The following EPB41L3 variants were observed in gnomAD, a reference collection of about 807,000 sequenced individuals.
EPB41L3 encodes the protein erythrocyte membrane protein band 4.1 like 3, also known as band 4.1-like protein 3.
A neutral mutation model predicts 127.1 loss-of-function variants in EPB41L3; 57 were observed. The ratio of observed to expected loss-of-function variants is 0.45; its 90% CI spans 0.36 to 0.56. The LOEUF (loss-of-function observed/expected upper bound fraction) is 0.56. Ranked by LOEUF, EPB41L3 falls within the 20% of genes least tolerant of loss-of-function variation. The pLI is 0.00. For synonymous variants in EPB41L3, 572 were observed against 549.5 expected (o/e 1.04, Z -0.57); for missense variants, 1,273 against 1,372.2 (o/e 0.93, Z 1.14).
intron 15 of EPB41L3, chr18:5,407,250 A>T: frequency 2.3e-6 from 1 of 436,716 alleles, no homozygotes; most frequent in Non-Finnish European, 4.1e-6. Flanking sequence ...TGAGAGAATT[A>T]AAATAAATAT....
intron 3 of EPB41L3, among the ~76,000 whole-genome samples, chr18:5,468,889 C>T (rs1316202242): frequency 6.6e-6 from 1 of 152,090 alleles, no homozygotes; most frequent in Non-Finnish European, 1.5e-5. Flanking sequence ...GCACTTCAGC[C>T]TGGGCGACAG....
chr18:5,551,832 G>C (rs895024881), intron 3 of EPB41L3, among the ~76,000 whole-genome samples: 16 of 152,126 alleles, frequency 1.1e-4, no homozygotes, highest in Non-Finnish European at 2.4e-4. Context: ...TTTCATAATT[G>C]AAAGTTTATA....
At chr18:5,587,967 A>T (rs2094454652) in intron 3 of EPB41L3, among the ~76,000 whole-genome samples, 1 of 152,210 alleles carries the variant, frequency 6.6e-6, no homozygotes, top group African/African-American at 2.4e-5. Flanking sequence ...GACAAGAGTA[A>T]AATGCAGATC....
At chr18:5,544,118 G>A (rs575821398), upstream of EPB41L3, 2,887 of 985,510 alleles carry the variant, frequency 2.9e-3, 6 homozygotes, top group Admixed American at 4.5e-3. Flanking sequence ...GACCGTGCGA[G>A]GAAAGCCAAC....
intron 1 of EPB41L3, among the ~76,000 whole-genome samples, chr18:5,528,338 AT>A (rs1439268683): frequency 1.3e-5 from 2 of 151,904 alleles, no homozygotes; most frequent in Admixed American, 1.3e-4. Flanking sequence ...CGCCTGGCTA[AT>A]TTTTTTAAAA....
chr18:5,622,228 A>T (rs1253744469), intron 1 of EPB41L3, among the ~76,000 whole-genome samples: 2 of 152,240 alleles, frequency 1.3e-5, no homozygotes, highest in Admixed American at 1.3e-4. Flanking sequence ...ATGGACTTTC[A>T]GACTGAATTA....
chr18:5,491,627 C>T (rs999477733), intron 1 of EPB41L3, among the ~76,000 whole-genome samples: 1 of 152,306 alleles, frequency 6.6e-6, no homozygotes, highest in Non-Finnish European at 1.5e-5. Flanking sequence ...GTATATCACA[C>T]AACTCACAGC....
At chr18:5,577,445 G>T in intron 3 of EPB41L3, 1 of 400,102 alleles carries the variant, frequency 2.5e-6, no homozygotes, top group South Asian at 1.8e-5. Context: ...TATTCCTCCA[G>T]GAATATTCTC....
intron 13 of EPB41L3, among the ~76,000 whole-genome samples, chr18:5,412,205 T>C (rs896065451): frequency 3.3e-5 from 5 of 152,062 alleles, no homozygotes; most frequent in African/African-American, 4.8e-5. Flanking sequence ...GCACTTAGTG[T>C]TTTATTTTTT....
At chr18:5,594,046 T>C (rs1185456105) in intron 3 of EPB41L3, among the ~76,000 whole-genome samples, 1 of 152,088 alleles carries the variant, frequency 6.6e-6, no homozygotes, top group African/African-American at 2.4e-5. Context: ...GCAACATACA[T>C]CCTCCTCAGC....
At chr18:5,576,530 A>G (rs1467580665) in intron 3 of EPB41L3, among the ~76,000 whole-genome samples, 1 of 152,202 alleles carries the variant, frequency 6.6e-6, no homozygotes. Flanking sequence ...TTTATTTACT[A>G]CTGCTTATGT....
chr18:5,407,190 C>T, intron 15 of EPB41L3: 1 of 544,884 alleles, frequency 1.8e-6, no homozygotes, highest in Non-Finnish European at 3.3e-6. Flanking sequence ...ACATGGATAC[C>T]AAAAGAATTT....
intron 1 of EPB41L3, among the ~76,000 whole-genome samples, chr18:5,508,900 C>G (rs1220636334): frequency 6.6e-6 from 1 of 151,976 alleles, no homozygotes; most frequent in Non-Finnish European, 1.5e-5. Flanking sequence ...GCAGCAAACT[C>G]TGCTTAATTG....
At chr18:5,409,381 T>A (rs1182617875) in intron 14 of EPB41L3, among the ~76,000 whole-genome samples, 4 of 152,242 alleles carry the variant, frequency 2.6e-5, no homozygotes, top group Non-Finnish European at 4.4e-5. Flanking sequence ...TGTACTACCC[T>A]GTGGCTACAT....
chr18:5,454,123 T>G (rs531835989), intron 3 of EPB41L3, among the ~76,000 whole-genome samples: 6 of 152,240 alleles, frequency 3.9e-5, no homozygotes, highest in South Asian at 4.2e-4. Context: ...GGGCTTCCTT[T>G]TTTTCTAACG....
chr18:5,615,066 C>A (rs1184082664), intron 1 of EPB41L3, among the ~76,000 whole-genome samples: 1 of 151,916 alleles, frequency 6.6e-6, no homozygotes, highest in Non-Finnish European at 1.5e-5. Context: ...AAGGAAGCAA[C>A]CAATAAGGTG....
intron 3 of EPB41L3, among the ~76,000 whole-genome samples, chr18:5,593,030 A>G (rs2094500412): frequency 6.6e-6 from 1 of 152,182 alleles, no homozygotes; most frequent in Non-Finnish European, 1.5e-5. Context: ...GTCATTCAGA[A>G]GGCTTTAAAA....
intron 3 of EPB41L3, among the ~76,000 whole-genome samples, chr18:5,564,462 G>A (rs2094172727): frequency 6.6e-6 from 1 of 152,138 alleles, no homozygotes; most frequent in South Asian, 2.1e-4. Context: ...GGATAAGACA[G>A]ACTTGAGCAT....
chr18:5,439,071 G>A (rs1341976772), intron 5 of EPB41L3, among the ~76,000 whole-genome samples: 1 of 151,644 alleles, frequency 6.6e-6, no homozygotes, highest in Non-Finnish European at 1.5e-5. Context: ...CCAAAGTCTG[G>A]GTATCTCTTC....
Sources: gnomAD v4.1 joint callset for allele counts (sites outside exome capture counted in the v4.1 genomes callset) on GRCh38, gnomAD v4.1.1 for gene constraint, MANE v1.5 for transcripts, NCBI Gene and HGNC (gene_info 2026-07-23, HGNC 2026-07-21) for gene names.